The following ALG14 variants were observed in gnomAD, a reference collection of about 807,000 sequenced individuals.
The protein encoded by ALG14 is ALG14 UDP-N-acetylglucosaminyltransferase subunit.
A neutral mutation model predicts 22.8 loss-of-function variants in ALG14; 17 were observed. The observed-to-expected ratio is 0.75, with a 90% CI of 0.51 to 1.12. ALG14 has a LOEUF of 1.12. ALG14 is among the 50% of genes most tolerant of loss of function. The pLI, the probability that ALG14 is intolerant of heterozygous loss-of-function variation, is 0.00. For missense variants in ALG14, 288 were observed against 271.8 expected (o/e 1.06, Z -0.42); for synonymous variants, 89 against 103.7 (o/e 0.86, Z 0.86).
intron 3 of ALG14, among the ~76,000 whole-genome samples, chr1:94,996,123 C>T (rs1367470060): frequency 6.6e-6 from 1 of 152,214 alleles, no homozygotes; most frequent in Non-Finnish European, 1.5e-5. Flanking sequence ...AGGAGTGACT[C>T]TATGCTAGTG....
intron 3 of ALG14, among the ~76,000 whole-genome samples, chr1:95,010,110 T>C (rs1673322510): frequency 6.6e-6 from 1 of 152,174 alleles, no homozygotes; most frequent in Non-Finnish European, 1.5e-5. Context: ...CTTTTTATAG[T>C]TAGTGCCTCT....
chr1:95,032,616 A>G (rs1360585821), intron 2 of ALG14, among the ~76,000 whole-genome samples: 2 of 152,220 alleles, frequency 1.3e-5, no homozygotes, highest in Non-Finnish European at 2.9e-5. Context: ...CAAAGGGGAA[A>G]GGAGCCTGCC....
chr1:95,051,758 C>T (rs1042951711), intron 2 of ALG14, among the ~76,000 whole-genome samples: 1 of 152,192 alleles, frequency 6.6e-6, no homozygotes, highest in African/African-American at 2.4e-5. Flanking sequence ...TTACTGCTTC[C>T]TCTCCCAGAA....
intron 2 of ALG14, among the ~76,000 whole-genome samples, chr1:95,058,061 G>A (rs1190660881): frequency 6.6e-6 from 1 of 151,504 alleles, no homozygotes; most frequent in Non-Finnish European, 1.5e-5. Flanking sequence ...GCTGAGGTGG[G>A]CGGATCATGA....
At chr1:95,014,842 C>CAAATAAATATT (rs1673458288) in intron 3 of ALG14, among the ~76,000 whole-genome samples, 1 of 152,104 alleles carries the variant, frequency 6.6e-6, no homozygotes, top group South Asian at 2.1e-4. Flanking sequence ...TAGTTTCAGG[C>CAAATAAATATT]TATCTTAAGA....
Position 95,045,713 on chromosome 1 carries a change from T to C in ALG14, c.289-18453A>G, listed in dbSNP as rs1674525403. On this transcript the variant is annotated intron_variant, in intron 2 of 3. Transcript: ENST00000370205. ...ATATACTAATAGAATTAGCATACTA[T>C]ATACTAATAGAATTAGCATACTATA... Among the ~76,000 whole-genome samples, 3 of 150,410 alleles carry C rather than the reference T, an allele frequency of 2.0e-5. No homozygotes were observed. In the South Asian group the frequency reaches 6.2e-4, roughly 31 times the overall value.
chr1:95,000,535 T>TAA (rs71588535), intron 3 of ALG14, among the ~76,000 whole-genome samples: 1,599 of 70,574 alleles, frequency 0.023, 43 homozygotes, highest in Non-Finnish European at 0.029. Flanking sequence ...GACCCTGTCC[T>TAA]AAAAAAAAAA....
At chr1:95,057,347 A>G (rs1400438592) in intron 2 of ALG14, among the ~76,000 whole-genome samples, 1 of 151,746 alleles carries the variant, frequency 6.6e-6, no homozygotes, top group Non-Finnish European at 1.5e-5. Context: ...GGATAACTGT[A>G]TCTGTACTGG....
At chr1:95,062,102 G>A (rs1199394307) in intron 2 of ALG14, 1 of 152,108 alleles carries the variant, frequency 6.6e-6, no homozygotes, top group Non-Finnish European at 1.5e-5. Flanking sequence ...AGCAGTCATA[G>A]ATAAATCAAA....
chr1:94,982,971 G>A lies in ALG14; in HGVS notation c.*105C>T. On this transcript the variant is annotated 3_prime_UTR_variant, in exon 4 of 4. Coordinates refer to ENST00000370205, the MANE Select transcript of ALG14 (RefSeq NM_144988.4). ...TATTCCTTACCATCAATAATTCTCA[G>A]GACTGTCAGACGCCTTTACAAGAAA... The A allele has an allele frequency of 2.3e-6, 2 of 876,574 alleles. No homozygotes were observed. The highest frequency in any genetic ancestry group is 1.7e-5 in the South Asian group (1 of 60,402). 54.3% of individuals were successfully genotyped at this position (876,574 alleles called of 1,614,324 possible).
At chr1:95,061,380 T>C (rs892340153) in intron 2 of ALG14, among the ~76,000 whole-genome samples, 2 of 152,198 alleles carry the variant, frequency 1.3e-5, no homozygotes, top group African/African-American at 4.8e-5. Context: ...CAGATTTATA[T>C]ACCAATCTTG....
chr1:95,019,837 G>A (rs12717800), intron 3 of ALG14, among the ~76,000 whole-genome samples: 35,145 of 151,850 alleles, frequency 0.23, 4,433 homozygotes, highest in African/African-American at 0.33. Context: ...AAAATTAGCC[G>A]GGCATAGTGG....
At chr1:95,066,741 C>G (rs900128163) in intron 1 of ALG14, among the ~76,000 whole-genome samples, 4 of 151,696 alleles carry the variant, frequency 2.6e-5, no homozygotes, top group Non-Finnish European at 5.9e-5. Flanking sequence ...CGAAAAAAAA[C>G]AAAAAAGTTA....
intron 1 of ALG14, among the ~76,000 whole-genome samples, chr1:95,071,901 T>C (rs1045393527): frequency 6.6e-6 from 1 of 152,228 alleles, no homozygotes; most frequent in Non-Finnish European, 1.5e-5. Context: ...TATTTTCTGT[T>C]AGTTTTTTTG....
chr1:95,071,815 T>C (rs1429764483), intron 1 of ALG14, among the ~76,000 whole-genome samples: 1 of 152,240 alleles, frequency 6.6e-6, no homozygotes, highest in African/African-American at 2.4e-5. Flanking sequence ...AAGACTGCCA[T>C]AGCAATTTGT....
At chr1:95,063,597 T>C (rs1675245508) in intron 2 of ALG14, among the ~76,000 whole-genome samples, 3 of 152,180 alleles carry the variant, frequency 2.0e-5, no homozygotes, top group Admixed American at 6.5e-5. Flanking sequence ...TGGTTGTAAA[T>C]GTGTGGTCTT....
At chr1:95,025,762 G>A (rs1470357717) in intron 3 of ALG14, among the ~76,000 whole-genome samples, 2 of 152,106 alleles carry the variant, frequency 1.3e-5, no homozygotes, top group East Asian at 3.9e-4. Flanking sequence ...GCAGCTTCCT[G>A]ACCTCTCTCA....
chr1:95,033,418 T>TACACAC (rs1234307055), intron 2 of ALG14, among the ~76,000 whole-genome samples: 232 of 130,420 alleles, frequency 1.8e-3, no homozygotes, highest in African/African-American at 6.3e-3. Context: ...TATATATATA[T>TACACAC]ATACACACAC....
intron 3 of ALG14, among the ~76,000 whole-genome samples, chr1:94,998,711 A>G (rs1420344962): frequency 1.3e-5 from 2 of 152,128 alleles, no homozygotes; most frequent in East Asian, 3.9e-4. Context: ...GGGTAAGCCA[A>G]TTTTCTTTCT....
Sources: gnomAD v4.1 joint callset for allele counts (sites outside exome capture counted in the v4.1 genomes callset) on GRCh38, gnomAD v4.1.1 for gene constraint, MANE v1.5 for transcripts, NCBI Gene and HGNC (gene_info 2026-07-23, HGNC 2026-07-21) for gene names.